CDH6: variants seen among roughly 807,000 people sequenced by gnomAD.
CDH6 encodes the protein cadherin-6.
Under a neutral mutation model 78.0 loss-of-function variants are expected in CDH6, and 31 were observed. The observed-to-expected ratio is 0.40, with a 90% CI of 0.30 to 0.54. The LOEUF is 0.54. Ranked by LOEUF, CDH6 falls within the 20% of genes least tolerant of loss-of-function variation. CDH6 has a pLI of 0.56. For missense variants in CDH6, 724 were observed against 975.9 expected (o/e 0.74, Z 3.44); for synonymous variants, 376 against 368.8 (o/e 1.02, Z -0.23).
intron 1 of CDH6, among the ~76,000 whole-genome samples, chr5:31,252,560 C>T (rs1282660453): frequency 6.6e-6 from 1 of 152,082 alleles, no homozygotes; most frequent in Non-Finnish European, 1.5e-5. Flanking sequence ...TTCAGGGAAA[C>T]TCGTGTGATA....
At chr5:31,218,962 G>C (rs755815885) in intron 1 of CDH6, among the ~76,000 whole-genome samples, 5 of 152,090 alleles carry the variant, frequency 3.3e-5, no homozygotes, top group African/African-American at 1.2e-4. Context: ...GGTCACCTTG[G>C]CTGAACCAAG....
intron 1 of CDH6, among the ~76,000 whole-genome samples, chr5:31,219,935 T>C (rs542823004): frequency 6.6e-6 from 1 of 152,334 alleles, no homozygotes; most frequent in East Asian, 1.9e-4. Context: ...CATGAAAAAG[T>C]TGTTCCCCTC....
intron 1 of CDH6, among the ~76,000 whole-genome samples, chr5:31,228,233 A>G (rs940611192): frequency 1.3e-5 from 2 of 152,146 alleles, no homozygotes; most frequent in African/African-American, 4.8e-5. Context: ...TATTGGACCC[A>G]CCCAGATGAT....
intron 1 of CDH6, among the ~76,000 whole-genome samples, chr5:31,240,850 T>C (rs1579843039): frequency 6.6e-6 from 1 of 152,202 alleles, no homozygotes; most frequent in African/African-American, 2.4e-5. Context: ...CATTGCTACA[T>C]TGTTTCATGC....
intron 2 of CDH6, among the ~76,000 whole-genome samples, chr5:31,274,725 C>T (rs1032578026): frequency 6.6e-6 from 1 of 152,318 alleles, no homozygotes; most frequent in Non-Finnish European, 1.5e-5. Flanking sequence ...GAGACTGAGG[C>T]GTGAGAATCA....
chr5:31,280,035 A>G (rs1385572019), intron 2 of CDH6, among the ~76,000 whole-genome samples: 1 of 152,160 alleles, frequency 6.6e-6, no homozygotes, highest in Non-Finnish European at 1.5e-5. Flanking sequence ...ATTTCATTTT[A>G]TCTCCTTTTC....
chr5:31,302,790 GAGAGAGAGAGAAAGAA>G (rs1442700885), intron 6 of CDH6, among the ~76,000 whole-genome samples: 7,954 of 94,978 alleles, frequency 0.084, 353 homozygotes, highest in Non-Finnish European at 0.098. Context: ...GAGAGAGAGA[GAGAGAGAGAGAAAGAA>G]AGAAAGAAAG....
At chr5:31,251,437 G>T (rs1741905213) in intron 1 of CDH6, 1 of 152,326 alleles carries the variant, frequency 6.6e-6, no homozygotes, top group Non-Finnish European at 1.5e-5. Flanking sequence ...TAGGTCTAAG[G>T]GGGACAGCTC....
Position 31,208,888 on chromosome 5 carries a change from T to G in CDH6, c.-129+15002T>G, listed in dbSNP as rs545808446. 1.1e-4 allele frequency among the ~76,000 whole-genome samples: 17 copies of G among 152,352 alleles called. No homozygotes were observed. The South Asian group carries it at 3.5e-3, about 32-fold the overall frequency. On this transcript the variant is annotated intron_variant, in intron 1 of 11. Coordinates refer to ENST00000265071, the MANE Select transcript of CDH6 (RefSeq NM_004932.4). ...CCAAAAAGACTGAATTAAATTCAAC[T>G]GATTATGTAGTCCAATTTCATTCCT...
chr5:31,327,156 T>C lies in CDH6; in HGVS notation c.*3848T>C, dbSNP rs1045982439. ...CTTTGCCTGGAAATAGATATCCCAC[T>C]GGGGATAGTGGTGTGTAAACTATGA... On this transcript the variant is annotated 3_prime_UTR_variant, in exon 12 of 12. Coordinates refer to ENST00000265071, the MANE Select transcript of CDH6 (RefSeq NM_004932.4). The C allele has an allele frequency of 1.6e-5, 3 of 184,082 alleles. No individual in the cohort carries two copies. The Admixed American group carries it at 1.9e-4, about 11-fold the overall frequency. The allele number at this position is 184,082 out of a possible 1,614,324, so 11.4% of individuals were successfully genotyped here.
chr5:31,200,355 A>G (rs561706640), intron 1 of CDH6, among the ~76,000 whole-genome samples: 2 of 152,174 alleles, frequency 1.3e-5, no homozygotes, highest in African/African-American at 4.8e-5. Context: ...CACAGCACCC[A>G]CTAAGGGCAT....
intron 1 of CDH6, among the ~76,000 whole-genome samples, chr5:31,256,099 C>CATT (rs1742046992): frequency 6.6e-6 from 1 of 152,114 alleles, no homozygotes; most frequent in South Asian, 2.1e-4. Context: ...GCCTGTAATG[C>CATT]ATTGATTGAC....
At chr5:31,213,351 A>G (rs1369619253) in intron 1 of CDH6, among the ~76,000 whole-genome samples, 1 of 152,180 alleles carries the variant, frequency 6.6e-6, no homozygotes, top group South Asian at 2.1e-4. Flanking sequence ...TCAAAATTGT[A>G]TCTCCAAATC....
intron 2 of CDH6, among the ~76,000 whole-genome samples, chr5:31,288,868 T>G (rs1743077630): frequency 6.6e-6 from 1 of 152,234 alleles, no homozygotes; most frequent in Non-Finnish European, 1.5e-5. Context: ...AAACATCACT[T>G]CATACCTTTT....
chr5:31,264,015 T>A (rs1742277890), intron 1 of CDH6, among the ~76,000 whole-genome samples: 1 of 152,216 alleles, frequency 6.6e-6, no homozygotes, highest in African/African-American at 2.4e-5. Flanking sequence ...TGAACTTTCT[T>A]TTGGCCCATA....
chr5:31,196,894 C>T (rs1266425039), intron 1 of CDH6, among the ~76,000 whole-genome samples: 1 of 152,084 alleles, frequency 6.6e-6, no homozygotes, highest in East Asian at 1.9e-4. Flanking sequence ...TTCTAATTTA[C>T]TCAATAACAA....
intron 1 of CDH6, chr5:31,251,483 A>G (rs921337925): frequency 6.6e-6 from 1 of 152,210 alleles, no homozygotes; most frequent in African/African-American, 2.4e-5. Flanking sequence ...CAGAAGTCAC[A>G]CCTGAAAGCA....
At chr5:31,207,885 T>A (rs1238884655) in intron 1 of CDH6, among the ~76,000 whole-genome samples, 1 of 152,154 alleles carries the variant, frequency 6.6e-6, no homozygotes, top group Non-Finnish European at 1.5e-5. Context: ...AGGGAAATAT[T>A]CCCGAGATGA....
chr5:31,248,341 A>G (rs1243113570), intron 1 of CDH6, among the ~76,000 whole-genome samples: 1 of 152,052 alleles, frequency 6.6e-6, no homozygotes, highest in African/African-American at 2.4e-5. Context: ...ATTTCCAACT[A>G]CTCTGTGCTA....
Sources: gnomAD v4.1 joint callset for allele counts (sites outside exome capture counted in the v4.1 genomes callset) on GRCh38, gnomAD v4.1.1 for gene constraint, MANE v1.5 for transcripts, NCBI Gene and HGNC (gene_info 2026-07-23, HGNC 2026-07-21) for gene names.